The following LGR6 variants were observed in gnomAD, a reference collection of about 807,000 sequenced individuals.
LGR6 encodes the protein leucine-rich repeat-containing G protein-coupled receptor 6.
In LGR6, 45 loss-of-function variants were observed where a neutral mutation model predicts 69.4. The ratio of observed to expected loss-of-function variants is 0.65; its 90% confidence interval spans 0.51 to 0.83. The LOEUF (loss-of-function observed/expected upper bound fraction) is 0.83. Among genes scored for constraint, LGR6 ranks in the 40% least tolerant of loss-of-function variants. The pLI is 0.00. For synonymous variants in LGR6, 538 were observed against 555.0 expected (o/e 0.97, Z 0.43); for missense variants, 1,108 against 1,246.7 (o/e 0.89, Z 1.68).
chr1:202,203,957 C>T, intron 1 of LGR6: 1 of 949,660 alleles, frequency 1.1e-6, no homozygotes, highest in Non-Finnish European at 1.7e-6. Flanking sequence ...GTGAAAATAC[C>T]AGGTAGTATT....
chr1:202,205,301 AGCACACAC>A (rs1659125426), intron 1 of LGR6, among the ~76,000 whole-genome samples: 1 of 1,246 alleles, frequency 8.0e-4, no homozygotes, highest in Non-Finnish European at 1.7e-3. Flanking sequence ...ACCTCCTTCA[AGCACACAC>A]ACGCACCTCC....
chr1:202,284,677 G>A (rs991397230), intron 6 of LGR6, among the ~76,000 whole-genome samples: 1 of 152,102 alleles, frequency 6.6e-6, no homozygotes, highest in Admixed American at 6.5e-5. Flanking sequence ...AGGCCATGAC[G>A]AGCTAGTCTA....
chr1:202,194,707 G>GGC (rs1658570888), intron 1 of LGR6: 3 of 280,856 alleles, frequency 1.1e-5, no homozygotes. Flanking sequence ...CGTGGGGGCG[G>GGC]GGGGGGCGGG....
intron 1 of LGR6, chr1:202,194,712 G>GGGGGGGGT: frequency 3.9e-6 from 1 of 255,974 alleles, no homozygotes; most frequent in South Asian, 3.0e-5. Flanking sequence ...GGGCGGGGGG[G>GGGGGGGGT]GCGGGTTTCC....
At chr1:202,272,697 A>G (rs1276165362) in intron 4 of LGR6, among the ~76,000 whole-genome samples, 2 of 152,234 alleles carry the variant, frequency 1.3e-5, no homozygotes, top group Non-Finnish European at 1.5e-5. Flanking sequence ...GGGTTACACA[A>G]AATGCAGGAG....
intron 4 of LGR6, among the ~76,000 whole-genome samples, chr1:202,257,191 G>T (rs1349796529): frequency 6.6e-6 from 1 of 151,976 alleles, no homozygotes; most frequent in Non-Finnish European, 1.5e-5. Flanking sequence ...CATATCCTTT[G>T]ACATAAGTCC....
chr1:202,302,027 A>G (rs937875662), intron 9 of LGR6, among the ~76,000 whole-genome samples: 1 of 152,062 alleles, frequency 6.6e-6, no homozygotes, highest in Non-Finnish European at 1.5e-5. Context: ...CTCAAAATAA[A>G]AATACAAAAA....
At chr1:202,245,540 T>C (rs1662587328) in intron 4 of LGR6, among the ~76,000 whole-genome samples, 1 of 152,140 alleles carries the variant, frequency 6.6e-6, no homozygotes, top group Non-Finnish European at 1.5e-5. Context: ...GCTAGCCCTC[T>C]CTGGCTATGG....
At chr1:202,229,752 T>A (rs1319296992) in intron 3 of LGR6, among the ~76,000 whole-genome samples, 1 of 152,226 alleles carries the variant, frequency 6.6e-6, no homozygotes, top group Non-Finnish European at 1.5e-5. Flanking sequence ...CTCCCCACTT[T>A]GCCATTGAGC....
chr1:202,293,384 G>A (rs1196187200), intron 6 of LGR6, among the ~76,000 whole-genome samples: 2 of 152,120 alleles, frequency 1.3e-5, no homozygotes, highest in African/African-American at 4.8e-5. Context: ...AGCCCTCATG[G>A]TCTTTCCAGC....
intron 4 of LGR6, among the ~76,000 whole-genome samples, chr1:202,247,473 T>C (rs1294176958): frequency 1.3e-5 from 2 of 152,192 alleles, no homozygotes; most frequent in Non-Finnish European, 2.9e-5. Flanking sequence ...CCTAAGGACT[T>C]TCTGCAGAAA....
chr1:202,245,486 C>T (rs950649336), intron 4 of LGR6, among the ~76,000 whole-genome samples: 11 of 152,092 alleles, frequency 7.2e-5, no homozygotes, highest in African/African-American at 2.4e-4. Context: ...AGGAGCAGTG[C>T]GGGAACACCT....
chr1:202,305,182 G>C (rs1667893440), intron 11 of LGR6, among the ~76,000 whole-genome samples: 1 of 152,176 alleles, frequency 6.6e-6, no homozygotes, highest in Non-Finnish European at 1.5e-5. Flanking sequence ...ACTCAGCCTT[G>C]CCACTGACTG....
Position 202,208,427 on chromosome 1 carries a change from C to T in LGR6, c.212+14226C>T, listed in dbSNP as rs112634513. On this transcript the variant is annotated intron_variant, in intron 1 of 17. Transcript: ENST00000367278. ...AGGGGGGAGAGAGAGAGAGAAGGGG[C>T]ATGAGTGAGCCAATGAAGAGGAGAC... Among the ~76,000 whole-genome samples, 1,459 of 151,320 alleles carry T rather than the reference C, an allele frequency of 9.6e-3. 23 individuals are homozygous for T. Among genetic ancestry groups the T allele is most frequent in the African/African-American group, 0.032 (1,319 of 41,176 alleles).
intron 9 of LGR6, 108 bp downstream of exon 9, chr1:202,301,343 T>A: frequency 2.1e-6 from 2 of 936,374 alleles, no homozygotes; most frequent in Non-Finnish European, 3.4e-6. Context: ...AAGGCACAAG[T>A]CCACTGCAAA....
At chr1:202,266,106 TA>T (rs35998973) in intron 4 of LGR6, among the ~76,000 whole-genome samples, 74,122 of 143,778 alleles carry the variant, frequency 0.52, 19,184 homozygotes, top group East Asian at 0.77. Context: ...CTTTCCAGAT[TA>T]AAAAAAAAAA....
chr1:202,293,584 T>C (rs1008866935), intron 6 of LGR6, among the ~76,000 whole-genome samples: 1 of 152,274 alleles, frequency 6.6e-6, no homozygotes, highest in Admixed American at 6.5e-5. Flanking sequence ...CAACAAATGT[T>C]CATTGCACTG....
At chr1:202,199,290 G>A (rs894384652) in intron 1 of LGR6, among the ~76,000 whole-genome samples, 3 of 152,118 alleles carry the variant, frequency 2.0e-5, no homozygotes, top group Non-Finnish European at 4.4e-5. Context: ...AGTGACTCCA[G>A]GAAGTGGGGT....
chr1:202,239,378 T>TGTGG (rs1281710869), intron 4 of LGR6, among the ~76,000 whole-genome samples: 1 of 124,346 alleles, frequency 8.0e-6, no homozygotes, highest in Non-Finnish European at 1.8e-5. Context: ...TGTGTGTGTG[T>TGTGG]GTGTGTGGTG....
Sources: gnomAD v4.1 joint callset for allele counts (sites outside exome capture counted in the v4.1 genomes callset) on GRCh38, gnomAD v4.1.1 for gene constraint, MANE v1.5 for transcripts, NCBI Gene and HGNC (gene_info 2026-07-23, HGNC 2026-07-21) for gene names.